The following MRPL39 variants were observed in gnomAD, a reference collection of about 807,000 sequenced individuals.
MRPL39 encodes the protein large ribosomal subunit protein mL39.
MRPL39 carries 35 observed loss-of-function variants against 44.5 expected under a neutral mutation model. That is an observed-to-expected ratio of 0.79 (90% CI 0.60 to 1.04). The LOEUF (loss-of-function observed/expected upper bound fraction) is 1.04, where lower values mean the gene tolerates loss of function less well. MRPL39 is among the 50% of genes least tolerant of loss of function. The pLI is 0.00. For missense variants in MRPL39, 433 were observed against 413.5 expected (o/e 1.05, Z -0.41); for synonymous variants, 139 against 136.1 (o/e 1.02, Z -0.15).
At chr21:25,590,463 G>A (rs1026935336) in intron 8 of MRPL39, among the ~76,000 whole-genome samples, 4 of 152,050 alleles carry the variant, frequency 2.6e-5, no homozygotes, top group African/African-American at 9.7e-5. Flanking sequence ...AAGCCGTCCT[G>A]GACTGCATGC....
At chr21:25,596,448 A>G (rs1408517067) in intron 6 of MRPL39, among the ~76,000 whole-genome samples, 2 of 152,252 alleles carry the variant, frequency 1.3e-5, no homozygotes, top group African/African-American at 2.4e-5. Context: ...AACACAGTAC[A>G]TGGTTTCACA....
At chr21:25,607,024 T>C (rs767372472) in intron 1 of MRPL39, among the ~76,000 whole-genome samples, 1 of 152,164 alleles carries the variant, frequency 6.6e-6, no homozygotes, top group Non-Finnish European at 1.5e-5. Flanking sequence ...ACTATCAATA[T>C]CCAGAATGAG....
intron 2 of MRPL39, among the ~76,000 whole-genome samples, chr21:25,606,033 A>C (rs979714160): frequency 3.3e-5 from 5 of 152,198 alleles, no homozygotes; most frequent in Non-Finnish European, 7.3e-5. Flanking sequence ...CAACCTTGCA[A>C]TACTCAGAGT....
At chr21:25,587,908 G>C (rs950222397) in intron 9 of MRPL39, 5 of 748,380 alleles carry the variant, frequency 6.7e-6, no homozygotes, top group African/African-American at 3.4e-5. Flanking sequence ...TTAGGATAAG[G>C]AGGAAGTCCT....
chr21:25,607,029 A>G (rs920944946), intron 1 of MRPL39, among the ~76,000 whole-genome samples: 1 of 152,364 alleles, frequency 6.6e-6, no homozygotes, highest in Middle Eastern at 3.4e-3. Context: ...CAATATCCAG[A>G]ATGAGAAATG....
intron 8 of MRPL39, among the ~76,000 whole-genome samples, chr21:25,589,347 A>T (rs2031101345): frequency 6.6e-6 from 1 of 152,214 alleles, no homozygotes; most frequent in Non-Finnish European, 1.5e-5. Context: ...ACATCTTCAC[A>T]CTGAAATGGC....
chr21:25,603,107 T>A (rs1225359193), intron 3 of MRPL39, among the ~76,000 whole-genome samples: 1 of 152,176 alleles, frequency 6.6e-6, no homozygotes, highest in Admixed American at 6.5e-5. Flanking sequence ...TCTCCAGCCA[T>A]GAAAAATTGA....
intron 3 of MRPL39, among the ~76,000 whole-genome samples, chr21:25,603,185 G>A (rs1035938305): frequency 1.3e-5 from 2 of 151,970 alleles, no homozygotes; most frequent in Non-Finnish European, 2.9e-5. Context: ...GTGTGAAAAC[G>A]GACTAATACA....
intron 2 of MRPL39, 113 bp from the exon 3 acceptor site, chr21:25,604,048 CTTTTTAGAGAAAAAAAGTAT>C (rs1287282343): frequency 2.0e-6 from 2 of 981,630 alleles, no homozygotes; most frequent in African/African-American, 3.4e-5. Context: ...GCAGACTGTC[CTTTTTAGAGAAAAAAAGTAT>C]ATTACGTCTA....
rs1555852106 is a variant in MRPL39 at position 25,594,242 on chromosome 21, C to CTTTTTACTTTTTTTTT, written c.702-285_702-284insAAAAAAAAAGTAAAAA. On this transcript the variant is annotated intron_variant, in intron 6 of 9. Transcript: ENST00000352957. ...GTGTTCTTTCTTTCCATTTTTATTT[C>CTTTTTACTTTTTTTTT]TTTGTTCTTTTTTTTTTTTTTTTTT... is the stretch of plus-strand genomic sequence containing the variant. Among the ~76,000 whole-genome samples, 2 of 39,498 alleles carry CTTTTTACTTTTTTTTT rather than the reference C, an allele frequency of 5.1e-5. 1 individual carries two copies. The highest frequency in any genetic ancestry group is 1.2e-4 in the Non-Finnish European group (2 of 17,232). 25.9% of individuals were successfully genotyped at this position (39,498 alleles called of 152,430 possible). A position where few individuals can be genotyped will look rare whatever the true frequency, so the allele number is the denominator to read the frequency against.
chr21:25,588,885 TGAAAA>T lies in MRPL39; in HGVS notation c.922-8_922-4del. 1 of 1,612,436 alleles carries T rather than the reference TGAAAA, an allele frequency of 6.2e-7. No homozygotes were observed. The highest frequency in any genetic ancestry group is 8.5e-7 in the Non-Finnish European group (1 of 1,179,008). On this transcript the variant is annotated splice_region_variant and splice_polypyrimidine_tract_variant and intron_variant, in intron 8 of 9. Coordinates refer to ENST00000352957, the MANE Select transcript of MRPL39 (RefSeq NM_017446.4). The stretch of plus-strand genomic sequence containing the variant: ...TTATCCCATATTGTAAAATGTGCCT[TGAAAA>T]GAAAAGATTTGCGATGAACTAAATG...
chr21:25,592,807 C>T lies in MRPL39; in HGVS notation c.921+5G>A, dbSNP rs375392547. 22 of 1,590,436 alleles carry T rather than the reference C, an allele frequency of 1.4e-5. No homozygotes were observed. The highest frequency in any genetic ancestry group is 1.8e-5 in the Non-Finnish European group (21 of 1,166,150). On this transcript the variant is annotated splice_donor_5th_base_variant and intron_variant, in intron 8 of 9. Coordinates refer to ENST00000352957, the MANE Select transcript of MRPL39 (RefSeq NM_017446.4). The stretch of plus-strand genomic sequence containing the variant: ...GGAAGACCTAGAACTTTAAGCTTTA[C>T]TTACTCTTAAGTGAACAGGTAAAGA...
rs753025468 is a variant in MRPL39 at position 25,606,504 on chromosome 21, G to A, written c.225C>T (p.Pro75=). ...TTTTATTCATCACGAAGACAGTACCGGGGTCAGTTTTCCCAACATGCTTAA... is the reference window on the plus strand; with the variant it reads ...TTTTATTCATCACGAAGACAGTACCAGGGTCAGTTTTCCCAACATGCTTAA... ...IEVKHVGKTD[P]GTVFVMNKNI... is the part of the protein sequence containing the mutation. The change falls in exon 2 of 10, where the codon CCC becomes CCT. Residue 75 remains proline (P), a synonymous_variant. Transcript: ENST00000352957. 6.2e-7 allele frequency: 1 copy of A among 1,613,802 alleles called. No individual in the cohort carries two copies. The highest frequency in any genetic ancestry group is 1.3e-5 in the African/African-American group (1 of 74,902).
At chr21:25,589,013 T>A in intron 8 of MRPL39, 131 bp from the exon 9 acceptor site, 1 of 744,176 alleles carries the variant, frequency 1.3e-6, no homozygotes, top group Non-Finnish European at 2.1e-6. Context: ...TAAGTGGTTA[T>A]AAAAGTGGAT....
At chr21:25,589,032 C>G in intron 8 of MRPL39, 150 bp from the exon 9 acceptor site, 1 of 628,636 alleles carries the variant, frequency 1.6e-6, no homozygotes, top group South Asian at 2.5e-5. Context: ...ATCATAGTAG[C>G]AAAAAAAGGT....
intron 8 of MRPL39, 27 bp from the exon 9 acceptor site, chr21:25,588,909 C>A (rs1055885543): frequency 6.3e-7 from 1 of 1,585,884 alleles, no homozygotes; most frequent in Non-Finnish European, 8.7e-7. Context: ...TTGCGATGAA[C>A]TAAATGAAGC....
At chr21:25,590,644 T>C (rs1399679107) in intron 8 of MRPL39, among the ~76,000 whole-genome samples, 1 of 152,036 alleles carries the variant, frequency 6.6e-6, no homozygotes, top group East Asian at 1.9e-4. Flanking sequence ...TATAAATAAA[T>C]AAGAAGATAC....
chr21:25,585,699 G>A lies in MRPL39; in HGVS notation c.*8C>T. 1 of 1,465,130 alleles carries A rather than the reference G, an allele frequency of 6.8e-7. No homozygotes were observed. Among genetic ancestry groups the A allele is most frequent in the South Asian group, 1.3e-5 (1 of 77,112 alleles). 90.8% of individuals were successfully genotyped at this position (1,465,130 alleles called of 1,614,324 possible). On this transcript the variant is annotated 3_prime_UTR_variant, in exon 10 of 10. Coordinates refer to ENST00000352957, the MANE Select transcript of MRPL39 (RefSeq NM_017446.4). ...TTTTATTATACATATTTAAATTTTA[G>A]AAAGTTATTAGGTAGATGTACATTC... is the stretch of plus-strand genomic sequence containing the variant.
intron 5 of MRPL39, among the ~76,000 whole-genome samples, chr21:25,597,754 CAAT>C (rs2031403091): frequency 6.6e-6 from 1 of 151,682 alleles, no homozygotes; most frequent in Non-Finnish European, 1.5e-5. Context: ...GTAAAAATGC[CAAT>C]AAATAAATAG....
Sources: allele counts gnomAD v4.1 joint callset (sites outside exome capture counted in the v4.1 genomes callset), GRCh38; gene constraint gnomAD v4.1.1; transcripts MANE v1.5; gene names NCBI Gene and HGNC (gene_info 2026-07-23, HGNC 2026-07-21).